NLGN1: variants seen among roughly 807,000 people sequenced by gnomAD.
NLGN1 encodes neuroligin 1, also known as neuroligin-1.
A neutral mutation model predicts 65.5 loss-of-function variants in NLGN1; 12 were observed. The ratio of observed to expected loss-of-function variants is 0.18; its 90% CI spans 0.12 to 0.30. The LOEUF is 0.30. Ranked by LOEUF, NLGN1 falls within the 10% of genes least tolerant of loss-of-function variation. The probability of loss-of-function intolerance (pLI) is 1.00; values close to 1 mark genes in which losing one functional copy is unlikely to be tolerated. For missense variants in NLGN1, 750 were observed against 1,007.1 expected, an observed-to-expected ratio of 0.74 and a Z score of 3.46; for synonymous variants, 350 against 359.5, an observed-to-expected ratio of 0.97 and a Z score of 0.30.
chr3:174,037,902 A>T lies in NLGN1; in HGVS notation c.646+230070A>T, dbSNP rs542999980. Among the ~76,000 whole-genome samples the T allele has an allele frequency of 2.0e-5, 3 of 148,954 alleles. No individual in the cohort carries two copies. In the South Asian group the frequency reaches 6.2e-4, roughly 31 times the overall value. ...TGAAACATTATTGAAGCAGGATGTT[A>T]TGAGGACTATGGTTTTAACAGGTTG... On this transcript the variant is annotated intron_variant, in intron 4 of 6. Transcript: ENST00000457714.
chr3:174,234,985 C>CTTTTTTTTTTTTTTT (rs748911027), intron 4 of NLGN1, among the ~76,000 whole-genome samples: 5 of 65,748 alleles, frequency 7.6e-5, no homozygotes, highest in South Asian at 7.9e-4. Flanking sequence ...AAGGAATCAC[C>CTTTTTTTTTTTTTTT]TTTTTTTTTT....
At chr3:174,082,659 A>G (rs1043526374) in intron 4 of NLGN1, among the ~76,000 whole-genome samples, 1 of 152,034 alleles carries the variant, frequency 6.6e-6, no homozygotes, top group Non-Finnish European at 1.5e-5. Context: ...CATTTTTAAT[A>G]AGAAAATATA....
At chr3:173,616,311 T>C (rs1753065917) in intron 3 of NLGN1, among the ~76,000 whole-genome samples, 1 of 152,094 alleles carries the variant, frequency 6.6e-6, no homozygotes, top group Non-Finnish European at 1.5e-5. Flanking sequence ...TTGCCAGGAT[T>C]TTAGAAACAC....
At chr3:173,438,344 G>A (rs1718523729) in intron 2 of NLGN1, among the ~76,000 whole-genome samples, 2 of 151,784 alleles carry the variant, frequency 1.3e-5, no homozygotes, top group Non-Finnish European at 2.9e-5. Flanking sequence ...TTTTAAAAAG[G>A]TGAAAAAAAA....
At chr3:173,427,121 C>T (rs1326008545) in intron 1 of NLGN1, among the ~76,000 whole-genome samples, 3 of 151,856 alleles carry the variant, frequency 2.0e-5, no homozygotes, top group Non-Finnish European at 4.4e-5. Context: ...TGGTTCTTCA[C>T]AATAATCTCC....
At chr3:173,804,686 G>A (rs1408850092) in intron 3 of NLGN1, among the ~76,000 whole-genome samples, 1 of 145,964 alleles carries the variant, frequency 6.9e-6, no homozygotes, top group Non-Finnish European at 1.5e-5. Context: ...TATAAACTAA[G>A]CATAAAAGTT....
chr3:173,936,577 A>G (rs537245571), intron 4 of NLGN1, among the ~76,000 whole-genome samples: 1 of 152,212 alleles, frequency 6.6e-6, no homozygotes, highest in African/African-American at 2.4e-5. Flanking sequence ...AAGTTTTTAC[A>G]TTAAAATTCT....
chr3:173,831,827 A>T (rs73182612), intron 4 of NLGN1, among the ~76,000 whole-genome samples: 1 of 152,322 alleles, frequency 6.6e-6, no homozygotes, highest in Non-Finnish European at 1.5e-5. Flanking sequence ...GTAGAGACAC[A>T]TACATAATCT....
chr3:173,499,594 A>G (rs1730665393), intron 2 of NLGN1, among the ~76,000 whole-genome samples: 1 of 151,842 alleles, frequency 6.6e-6, no homozygotes, highest in Non-Finnish European at 1.5e-5. Flanking sequence ...CTGTGAAGAA[A>G]GTCATTGGTA....
chr3:174,014,739 C>T (rs1192779649), intron 4 of NLGN1, among the ~76,000 whole-genome samples: 1 of 152,060 alleles, frequency 6.6e-6, no homozygotes, highest in African/African-American at 2.4e-5. Context: ...TGTTCCAGAG[C>T]AAGTTATTCA....
chr3:173,914,957 G>A (rs1218789042), intron 4 of NLGN1: 1 of 152,112 alleles, frequency 6.6e-6, no homozygotes, highest in Non-Finnish European at 1.5e-5. Flanking sequence ...TATTTTCAAC[G>A]GCGAATAATC....
At chr3:173,988,204 C>T (rs1156760389) in intron 4 of NLGN1, among the ~76,000 whole-genome samples, 2 of 152,008 alleles carry the variant, frequency 1.3e-5, no homozygotes, top group Non-Finnish European at 1.5e-5. Context: ...AAATACAACC[C>T]GTCTATAATC....
intron 4 of NLGN1, among the ~76,000 whole-genome samples, chr3:174,076,504 C>T (rs1036856550): frequency 2.6e-5 from 4 of 152,112 alleles, no homozygotes; most frequent in Non-Finnish European, 4.4e-5. Context: ...GCCCAGACAG[C>T]GTTCCTCTGT....
intron 3 of NLGN1, among the ~76,000 whole-genome samples, chr3:173,613,916 G>T (rs1191221690): frequency 6.6e-6 from 1 of 151,256 alleles, no homozygotes; most frequent in Non-Finnish European, 1.5e-5. Context: ...ATGAACAGTG[G>T]TCCTAATTTT....
At chr3:173,581,069 G>T (rs1284676200) in intron 2 of NLGN1, among the ~76,000 whole-genome samples, 1 of 151,850 alleles carries the variant, frequency 6.6e-6, no homozygotes, top group Non-Finnish European at 1.5e-5. Flanking sequence ...AATTAAATTG[G>T]CATATCACTA....
intron 4 of NLGN1, among the ~76,000 whole-genome samples, chr3:174,203,498 C>G (rs1210007928): frequency 6.6e-6 from 1 of 152,070 alleles, no homozygotes; most frequent in Non-Finnish European, 1.5e-5. Context: ...GGTGTTCTGT[C>G]TCAGGACTTT....
chr3:173,930,558 A>C (rs574261628), intron 4 of NLGN1, among the ~76,000 whole-genome samples: 2 of 152,292 alleles, frequency 1.3e-5, no homozygotes, highest in African/African-American at 4.8e-5. Flanking sequence ...GTGAAAAGCT[A>C]TTTCACCCTA....
chr3:173,933,607 G>T (rs1278805284), intron 4 of NLGN1, among the ~76,000 whole-genome samples: 2 of 152,214 alleles, frequency 1.3e-5, no homozygotes, highest in East Asian at 3.9e-4. Flanking sequence ...GATTTTGAGA[G>T]GAGTCAGATT....
chr3:173,675,039 C>G (rs1314047373), intron 3 of NLGN1, among the ~76,000 whole-genome samples: 1 of 151,158 alleles, frequency 6.6e-6, no homozygotes, highest in African/African-American at 2.4e-5. Context: ...GTATGTTGGC[C>G]GGAAGTTTTG....
Sources: gnomAD v4.1 joint callset for allele counts (sites outside exome capture counted in the v4.1 genomes callset) on GRCh38, gnomAD v4.1.1 for gene constraint, MANE v1.5 for transcripts, NCBI Gene and HGNC (gene_info 2026-07-23, HGNC 2026-07-21) for gene names.